Variants in GPC5 observed in about 807,000 individuals in gnomAD.
GPC5 encodes the protein glypican 5, also known as glypican-5.
A neutral mutation model predicts 53.9 loss-of-function variants in GPC5; 47 were observed. The ratio of observed to expected loss-of-function variants is 0.87; its 90% CI spans 0.69 to 1.11. GPC5 has a LOEUF of 1.11. Among genes scored for constraint, GPC5 ranks in the 50% most tolerant of loss-of-function variants. The pLI, the probability that GPC5 is intolerant of heterozygous loss-of-function variation, is 0.00. For synonymous variants in GPC5, 286 were observed against 263.3 expected (o/e 1.09, Z -0.84); for missense variants, 748 against 713.1 (o/e 1.05, Z -0.56).
intron 7 of GPC5, among the ~76,000 whole-genome samples, chr13:92,160,535 G>A (rs1191485682): frequency 1.3e-5 from 2 of 152,160 alleles, no homozygotes; most frequent in African/African-American, 4.8e-5. Flanking sequence ...TGAACAGAGA[G>A]TAAGGGAAAA....
intron 7 of GPC5, among the ~76,000 whole-genome samples, chr13:92,400,923 CTT>C (rs35543579): frequency 2.7e-5 from 4 of 150,164 alleles, no homozygotes; most frequent in East Asian, 2.0e-4. Flanking sequence ...TGGGATGGGT[CTT>C]TTTTTTTTGC....
At chr13:91,888,163 G>A (rs578161578) in intron 5 of GPC5, among the ~76,000 whole-genome samples, 5 of 152,274 alleles carry the variant, frequency 3.3e-5, no homozygotes, top group East Asian at 1.9e-4. Flanking sequence ...AGGAGCAAGG[G>A]CATGTCTCAT....
At chr13:92,769,313 A>G (rs906327354) in intron 7 of GPC5, among the ~76,000 whole-genome samples, 2 of 152,206 alleles carry the variant, frequency 1.3e-5, no homozygotes, top group Admixed American at 1.3e-4. Context: ...TTCATTCAAA[A>G]TATTCCAAAA....
At chr13:91,541,364 A>G (rs1344750956) in intron 2 of GPC5, among the ~76,000 whole-genome samples, 2 of 152,120 alleles carry the variant, frequency 1.3e-5, no homozygotes, top group Non-Finnish European at 2.9e-5. Flanking sequence ...TTTTCTGTCT[A>G]CTATTCTTGA....
At chr13:92,395,886 T>C (rs1029938969) in intron 7 of GPC5, among the ~76,000 whole-genome samples, 1 of 151,892 alleles carries the variant, frequency 6.6e-6, no homozygotes, top group Admixed American at 6.6e-5. Context: ...TTGAATATCA[T>C]ATGTGTAGGT....
chr13:92,541,605 T>C (rs1182069631), intron 7 of GPC5, among the ~76,000 whole-genome samples: 1 of 151,864 alleles, frequency 6.6e-6, no homozygotes, highest in Non-Finnish European at 1.5e-5. Flanking sequence ...TGTCTTTTAA[T>C]GAACAGAAGT....
intron 7 of GPC5, among the ~76,000 whole-genome samples, chr13:92,163,871 C>T (rs59408460): frequency 0.012 from 1,833 of 152,306 alleles, 54 homozygotes; most frequent in African/African-American, 0.041. Flanking sequence ...TTAATTGACT[C>T]ACAGTTCCAC....
intron 7 of GPC5, among the ~76,000 whole-genome samples, chr13:92,647,701 A>AT: frequency 6.6e-6 from 1 of 152,170 alleles, no homozygotes; most frequent in Admixed American, 6.6e-5. Context: ...AAGGCTAAAT[A>AT]TTCTGAAGAG....
chr13:91,515,795 C>T (rs941048941), intron 2 of GPC5, among the ~76,000 whole-genome samples: 8 of 152,232 alleles, frequency 5.3e-5, no homozygotes, highest in South Asian at 2.1e-4. Flanking sequence ...TCTGTTTTCA[C>T]GCTTCTGATA....
intron 6 of GPC5, among the ~76,000 whole-genome samples, chr13:91,947,461 G>T (rs111805569): frequency 0.021 from 3,220 of 152,056 alleles, 103 homozygotes; most frequent in African/African-American, 0.074. Context: ...TTTAATTTTG[G>T]TCTCCAGTTT....
chr13:91,699,124 G>A (rs750355208), intron 3 of GPC5, among the ~76,000 whole-genome samples: 12 of 152,198 alleles, frequency 7.9e-5, no homozygotes, highest in Non-Finnish European at 1.5e-4. Flanking sequence ...TGGATATGTA[G>A]AGTGTGTTCT....
intron 7 of GPC5, among the ~76,000 whole-genome samples, chr13:92,584,125 A>G (rs187305101): frequency 1.3e-5 from 2 of 152,338 alleles, no homozygotes; most frequent in African/African-American, 4.8e-5. Flanking sequence ...ATTACTGAAA[A>G]AAATACTCCA....
chr13:92,189,335 C>G (rs759359870), intron 7 of GPC5, among the ~76,000 whole-genome samples: 10 of 151,446 alleles, frequency 6.6e-5, no homozygotes, highest in Non-Finnish European at 1.3e-4. Flanking sequence ...CCAACTCTAG[C>G]CAACTCTAGT....
chr13:91,771,063 C>A (rs1221260015), intron 5 of GPC5, among the ~76,000 whole-genome samples: 1 of 152,080 alleles, frequency 6.6e-6, no homozygotes, highest in African/African-American at 2.4e-5. Flanking sequence ...AAAGCGTATA[C>A]AACTTTTCTC....
chr13:91,964,296 C>G (rs918737870), intron 6 of GPC5, among the ~76,000 whole-genome samples: 2 of 152,276 alleles, frequency 1.3e-5, no homozygotes, highest in East Asian at 3.9e-4. Flanking sequence ...GAGACCCCAG[C>G]AGGTTGCTGG....
At chr13:92,046,121 G>GAAA (rs11443585) in intron 6 of GPC5, among the ~76,000 whole-genome samples, 2 of 147,604 alleles carry the variant, frequency 1.4e-5, no homozygotes, top group African/African-American at 5.0e-5. Flanking sequence ...ATATCAAACA[G>GAAA]AAAAAAAAAA....
chr13:92,202,822 GA>G (rs984006516), intron 7 of GPC5, among the ~76,000 whole-genome samples: 9 of 151,666 alleles, frequency 5.9e-5, no homozygotes, highest in African/African-American at 1.9e-4. Context: ...AAAATGCTGA[GA>G]AAAAAAATAG....
chr13:92,479,486 G>A (rs1482327486), intron 7 of GPC5, among the ~76,000 whole-genome samples: 1 of 152,198 alleles, frequency 6.6e-6, no homozygotes, highest in Non-Finnish European at 1.5e-5. Context: ...AGTGGTCTGA[G>A]GAGAGAATTC....
chr13:91,826,985 G>A (rs1389793311), intron 5 of GPC5, among the ~76,000 whole-genome samples: 1 of 151,890 alleles, frequency 6.6e-6, no homozygotes, highest in South Asian at 2.1e-4. Flanking sequence ...TAGAAAAAAC[G>A]TAGTTAGACA....
Sources: gnomAD v4.1 joint callset for allele counts (sites outside exome capture counted in the v4.1 genomes callset) on GRCh38, gnomAD v4.1.1 for gene constraint, MANE v1.5 for transcripts, NCBI Gene and HGNC (gene_info 2026-07-23, HGNC 2026-07-21) for gene names.